Variants in SLTM observed in about 807,000 individuals in gnomAD.
The protein encoded by SLTM is SAFB like transcription modulator.
SLTM carries 43 observed loss-of-function variants against 134.6 expected under a neutral mutation model. The observed-to-expected ratio is 0.32, with a 90% CI of 0.25 to 0.41. The LOEUF (loss-of-function observed/expected upper bound fraction) is 0.41, where lower values mean the gene tolerates loss of function less well. SLTM is among the 10% of genes least tolerant of loss of function. The pLI, the probability that SLTM is intolerant of heterozygous loss-of-function variation, is 1.00. For synonymous variants in SLTM, 424 were observed against 432.3 expected (o/e 0.98, Z 0.24); for missense variants, 1,055 against 1,288.8 (o/e 0.82, Z 2.78).
At chr15:58,930,350 G>T (rs1217583077) in intron 2 of SLTM, among the ~76,000 whole-genome samples, 2 of 143,288 alleles carry the variant, frequency 1.4e-5, no homozygotes, top group East Asian at 2.0e-4. Flanking sequence ...GGCTGCTCTC[G>T]AATTCCCGAC....
In SLTM at chr15:58,913,561, C is replaced by T; in HGVS notation, c.451G>A (p.Ala151Thr). 1 of 1,613,302 alleles carries T rather than the reference C, an allele frequency of 6.2e-7. No homozygotes were observed. Among genetic ancestry groups the T allele is most frequent in the East Asian group, 2.2e-5 (1 of 44,800 alleles). ...ELLSAEENKRAHELIEAEGIE... is the reference protein window; with the variant it reads ...ELLSAEENKRTHELIEAEGIE... ...CCTTCTGCCTCTATTAATTCATGAG[C>T]TCTCTTGTTTTCTTCTGCAGAGAGT... is the stretch of plus-strand genomic sequence containing the variant. Residue 151 changes from alanine (A) to threonine (T), a missense_variant, in exon 4 of 21, where the codon GCT (alanine) becomes ACT (threonine). This residue lies in a region of SLTM where 268 missense variants were observed against 284.3 expected (regional missense o/e 0.94). Transcript: ENST00000380516.
At chr15:58,894,303 G>A (rs901628711) in intron 10 of SLTM, 110 bp from the exon 11 acceptor site, 2 of 1,405,434 alleles carry the variant, frequency 1.4e-6, no homozygotes, top group East Asian at 2.3e-5. Context: ...AATATAAGGA[G>A]AGTAAAAACT....
At chr15:58,890,655 T>G (rs1462018994) in intron 14 of SLTM, among the ~76,000 whole-genome samples, 194 bp from the exon 15 acceptor site, 1 of 152,210 alleles carries the variant, frequency 6.6e-6, no homozygotes, top group African/African-American at 2.4e-5. Flanking sequence ...TATCTATAAA[T>G]AAGACTGTCA....
chr15:58,892,894 T>C lies in SLTM; in HGVS notation c.1898+3A>G. 6.2e-7 allele frequency: 1 copy of C among 1,612,836 alleles called. No homozygotes were observed. The highest frequency in any genetic ancestry group is 8.5e-7 in the Non-Finnish European group (1 of 1,179,600). On this transcript the variant is annotated splice_donor_region_variant and intron_variant, in intron 14 of 20. Coordinates refer to ENST00000380516, the MANE Select transcript of SLTM (RefSeq NM_024755.4). ...ACAGGTATAAAACAGACTCTCTTCCTACCTTCGAAGTTCCATTGCTCGTCG... is the reference window on the plus strand; with the variant it reads ...ACAGGTATAAAACAGACTCTCTTCCCACCTTCGAAGTTCCATTGCTCGTCG...
intron 2 of SLTM, among the ~76,000 whole-genome samples, chr15:58,926,063 G>A (rs771349371): frequency 6.6e-5 from 10 of 152,100 alleles, no homozygotes; most frequent in Non-Finnish European, 1.2e-4. Flanking sequence ...AATCACCTGG[G>A]GAGCTTTTAG....
chr15:58,928,352 C>G (rs1267801138), intron 2 of SLTM, among the ~76,000 whole-genome samples: 6 of 152,184 alleles, frequency 3.9e-5, no homozygotes, highest in Non-Finnish European at 8.8e-5. Context: ...ATTAATATAA[C>G]CGTAAACTTC....
Position 58,913,601 on chromosome 15 carries a change from C to G in SLTM, c.411G>C (p.Val137=). Residue 137 remains valine (V), a synonymous_variant, in exon 4 of 21, where the codon GTG becomes GTC. Transcript: ENST00000380516. ...CTGCAGAGAGTAACTCCTTGGAATG[C>G]ACATTTTCTTCTTCATTTTCACCAA... is the stretch of plus-strand genomic sequence containing the variant. ...EEFGENEEEN[V]HSKELLSAEE... is the part of the protein sequence containing the mutation. 1 of 1,613,582 alleles carries G rather than the reference C, an allele frequency of 6.2e-7. No individual in the cohort carries two copies. The highest frequency in any genetic ancestry group is 1.3e-5 in the African/African-American group (1 of 75,020).
Position 58,933,675 on chromosome 15 carries a change from A to G in SLTM, c.-110T>C. On this transcript the variant is annotated 5_prime_UTR_variant, in exon 1 of 21. Coordinates refer to ENST00000380516, the MANE Select transcript of SLTM (RefSeq NM_024755.4). ...CCGCCGGCGCCGCGCAGCGCTGCGCACAATGAGCCGCTGGCCCCTCCCCCG... is the reference window on the plus strand; with the variant it reads ...CCGCCGGCGCCGCGCAGCGCTGCGCGCAATGAGCCGCTGGCCCCTCCCCCG... The G allele has an allele frequency of 1.5e-6, 2 of 1,317,810 alleles. No individual in the cohort carries two copies. The highest frequency in any genetic ancestry group is 1.9e-6 in the Non-Finnish European group (2 of 1,035,532). 81.6% of individuals were successfully genotyped at this position (1,317,810 alleles called of 1,614,324 possible).
At chr15:58,921,437 G>A (rs1214133350) in intron 2 of SLTM, 1 of 183,936 alleles carries the variant, frequency 5.4e-6, no homozygotes, top group African/African-American at 2.4e-5. Flanking sequence ...TTTAAAATGT[G>A]AGACTCACTT....
At chr15:58,925,359 G>A (rs139585378) in intron 2 of SLTM, among the ~76,000 whole-genome samples, 1 of 151,842 alleles carries the variant, frequency 6.6e-6, no homozygotes, top group Non-Finnish European at 1.5e-5. Flanking sequence ...TGTTTTTGTG[G>A]CAGGGTCTTA....
At chr15:58,881,245 C>T (rs1330602154) in intron 20 of SLTM, among the ~76,000 whole-genome samples, 1 of 152,012 alleles carries the variant, frequency 6.6e-6, no homozygotes, top group African/African-American at 2.4e-5. Context: ...CAGTGAAGGC[C>T]GGGTGTGGTG....
intron 5 of SLTM, among the ~76,000 whole-genome samples, chr15:58,905,547 A>AT (rs2035814251): frequency 6.6e-6 from 1 of 152,076 alleles, no homozygotes; most frequent in Non-Finnish European, 1.5e-5. Context: ...TATTTTAGAA[A>AT]AATATATTTT....
At chr15:58,885,169 G>A (rs1466232937) in intron 19 of SLTM, among the ~76,000 whole-genome samples, 1 of 152,176 alleles carries the variant, frequency 6.6e-6, no homozygotes, top group Non-Finnish European at 1.5e-5. Flanking sequence ...CTTACAAGGT[G>A]CTACATCCAT....
chr15:58,929,476 A>G (rs1352760620), intron 2 of SLTM, among the ~76,000 whole-genome samples: 1 of 152,170 alleles, frequency 6.6e-6, no homozygotes, highest in Non-Finnish European at 1.5e-5. Flanking sequence ...AGAAAAACGG[A>G]CATCACATTA....
intron 19 of SLTM, among the ~76,000 whole-genome samples, chr15:58,885,319 T>C (rs1211675966): frequency 1.3e-5 from 2 of 152,272 alleles, no homozygotes; most frequent in South Asian, 2.1e-4. Flanking sequence ...TTAGATATAA[T>C]ACTGGCAGAA....
intron 5 of SLTM, among the ~76,000 whole-genome samples, chr15:58,907,707 T>C (rs2141084497): frequency 6.6e-6 from 1 of 152,308 alleles, no homozygotes; most frequent in South Asian, 2.1e-4. Flanking sequence ...AAGCAGTATA[T>C]TCAAGCTAGT....
intron 2 of SLTM, among the ~76,000 whole-genome samples, chr15:58,917,666 T>TTA (rs2036740320): frequency 6.6e-6 from 1 of 152,238 alleles, no homozygotes; most frequent in South Asian, 2.1e-4. Context: ...TGAAAACTGT[T>TTA]AATAGCTTTC....
At chr15:58,901,230 G>C in intron 6 of SLTM, 30 bp downstream of exon 6, 1 of 1,564,502 alleles carries the variant, frequency 6.4e-7, no homozygotes, top group Non-Finnish European at 8.7e-7. Flanking sequence ...CTAAATTTTA[G>C]CAATTTTTAA....
At chr15:58,907,190 T>C (rs1298468288) in intron 5 of SLTM, among the ~76,000 whole-genome samples, 2 of 152,038 alleles carry the variant, frequency 1.3e-5, no homozygotes, top group African/African-American at 2.4e-5. Context: ...CTGTGAGAGG[T>C]ATACAGATTT....
Sources: allele counts gnomAD v4.1 joint callset (sites outside exome capture counted in the v4.1 genomes callset), GRCh38; gene constraint gnomAD v4.1.1; regional missense constraint gnomAD v4.1.1; transcripts MANE v1.5; gene names NCBI Gene and HGNC (gene_info 2026-07-23, HGNC 2026-07-21).